CIMIP6: variants seen among roughly 807,000 people sequenced by gnomAD.
The protein encoded by CIMIP6 is uncharacterized protein C2orf73.
chr2:54,355,090 C>T, the CIMIP6 span, among the ~76,000 whole-genome samples: 2 of 152,040 alleles, frequency 1.3e-5, no homozygotes, highest in African/African-American at 2.4e-5. Flanking sequence ...TTTGGCTTCA[C>T]AGTTAAATGA....
the CIMIP6 span, among the ~76,000 whole-genome samples, chr2:54,361,944 G>T: frequency 6.6e-6 from 1 of 152,164 alleles, no homozygotes; most frequent in African/African-American, 2.4e-5. Context: ...TGGCCTGTCA[G>T]TACAAGGCAG....
At chr2:54,364,385 A>G in the CIMIP6 span, among the ~76,000 whole-genome samples, 1 of 152,238 alleles carries the variant, frequency 6.6e-6, no homozygotes, top group Non-Finnish European at 1.5e-5. Flanking sequence ...AAAGTCAAAA[A>G]TACTTTAATG....
chr2:54,338,006 G>A, the CIMIP6 span, among the ~76,000 whole-genome samples: 4 of 152,128 alleles, frequency 2.6e-5, no homozygotes, highest in African/African-American at 4.8e-5. Context: ...GTGTAATGGT[G>A]TACGCCTGTG....
the CIMIP6 span, chr2:54,361,089 A>AT: frequency 6.6e-6 from 1 of 152,236 alleles, no homozygotes; most frequent in Admixed American, 6.5e-5. Context: ...CTATAATTCA[A>AT]TTTTCAATTT....
chr2:54,363,241 T>G, the CIMIP6 span, among the ~76,000 whole-genome samples: 2 of 152,228 alleles, frequency 1.3e-5, no homozygotes, highest in African/African-American at 4.8e-5. Flanking sequence ...TATCAGTTTC[T>G]GTTGACTATA....
At chr2:54,332,769 C>T in the CIMIP6 span, among the ~76,000 whole-genome samples, 1 of 152,120 alleles carries the variant, frequency 6.6e-6, no homozygotes, top group African/African-American at 2.4e-5. Context: ...TGGGTGATAA[C>T]TATGAGAAAC....
At chr2:54,381,999 G>A in the CIMIP6 span, 1 of 1,527,472 alleles carries the variant, frequency 6.5e-7, no homozygotes, top group South Asian at 1.3e-5. Flanking sequence ...AGTATTAGCA[G>A]TTTCATTTTT....
chr2:54,335,078 T>G, the CIMIP6 span: 5 of 1,411,848 alleles, frequency 3.5e-6, no homozygotes, highest in Non-Finnish European at 4.8e-6. Context: ...GATGCTGTTT[T>G]GCAGAATAAT....
At chr2:54,365,101 G>C in the CIMIP6 span, among the ~76,000 whole-genome samples, 1 of 152,160 alleles carries the variant, frequency 6.6e-6, no homozygotes, top group Non-Finnish European at 1.5e-5. Flanking sequence ...TCCTAGAAGA[G>C]CTTTGCTGCT....
the CIMIP6 span, among the ~76,000 whole-genome samples, chr2:54,332,070 A>G: frequency 6.6e-6 from 1 of 152,200 alleles, no homozygotes; most frequent in Non-Finnish European, 1.5e-5. Context: ...TCCAGTGCCC[A>G]TACTTTTAGA....
the CIMIP6 span, among the ~76,000 whole-genome samples, chr2:54,344,711 G>C: frequency 1.6e-5 from 1 of 62,770 alleles, no homozygotes; most frequent in Non-Finnish European, 4.0e-5. Flanking sequence ...AAATCAAGCT[G>C]ATCCCCCGTC....
chr2:54,334,733 T>C, the CIMIP6 span: 10 of 938,890 alleles, frequency 1.1e-5, no homozygotes, highest in African/African-American at 1.8e-5. Context: ...CTGTTTGTAG[T>C]ATATTTAAAT....
At chr2:54,371,330 C>A in the CIMIP6 span, among the ~76,000 whole-genome samples, 1 of 152,222 alleles carries the variant, frequency 6.6e-6, no homozygotes, top group African/African-American at 2.4e-5. Flanking sequence ...ACCACTGGGG[C>A]TGACACCCTT....
chr2:54,382,111 A>G, the CIMIP6 span: 2 of 1,205,108 alleles, frequency 1.7e-6, no homozygotes, highest in South Asian at 3.9e-5. Context: ...CAAATTTCCT[A>G]CTATAGAAAT....
At chr2:54,352,272 G>T in the CIMIP6 span, among the ~76,000 whole-genome samples, 85 of 152,182 alleles carry the variant, frequency 5.6e-4, no homozygotes, top group African/African-American at 1.9e-3. Context: ...AATTGGTTTT[G>T]AGTATTAGTA....
the CIMIP6 span, chr2:54,359,092 A>G: frequency 7.8e-7 from 1 of 1,278,436 alleles, no homozygotes; most frequent in Non-Finnish European, 1.1e-6. Flanking sequence ...AGTATTTAGA[A>G]TTATTTAATA....
the CIMIP6 span, chr2:54,383,841 A>C: frequency 1.3e-5 from 2 of 152,132 alleles, no homozygotes; most frequent in African/African-American, 4.8e-5. Flanking sequence ...GCCTGCATGA[A>C]TGGATTAATG....
chr2:54,355,272 G>A, the CIMIP6 span, among the ~76,000 whole-genome samples: 178 of 152,218 alleles, frequency 1.2e-3, 1 homozygote, highest in African/African-American at 3.9e-3. Flanking sequence ...TGTCCCAGAT[G>A]ATGTTAAATT....
the CIMIP6 span, among the ~76,000 whole-genome samples, chr2:54,341,024 C>T: frequency 3.9e-5 from 6 of 152,168 alleles, no homozygotes; most frequent in East Asian, 5.8e-4. Flanking sequence ...CCTAGTGGTT[C>T]GCTTATCCCA....
Sources: allele counts gnomAD v4.1 joint callset (sites outside exome capture counted in the v4.1 genomes callset), GRCh38; gene constraint gnomAD v4.1.1; transcripts MANE v1.5; gene names NCBI Gene and HGNC (gene_info 2026-07-23, HGNC 2026-07-21).